The following KCND3 variants were observed in gnomAD, a reference collection of about 807,000 sequenced individuals.
The protein encoded by KCND3 is A-type voltage-gated potassium channel KCND3.
Under a neutral mutation model 51.1 loss-of-function variants are expected in KCND3, and 9 were observed. That is an observed-to-expected ratio of 0.18 (90% CI 0.11 to 0.31). The LOEUF is 0.31. Among genes scored for constraint, KCND3 ranks in the 10% least tolerant of loss-of-function variants. KCND3 has a pLI of 1.00. For missense variants in KCND3, 526 were observed against 903.8 expected (o/e 0.58, Z 5.36); for synonymous variants, 349 against 368.0 (o/e 0.95, Z 0.59).
At position 111,835,400 on chromosome 1, in the gene KCND3, G is replaced by A. The variant is rs553695577; in HGVS notation, c.1107-48294C>T. On this transcript the variant is annotated intron_variant, in intron 2 of 7. Transcript: ENST00000302127. ...CAAGTCCATCTTTAACAGGGGTTGC[G>A]TAAAATAAGGCTGAGACCTACTGGA... Among the ~76,000 whole-genome samples, 33 of 152,300 alleles carry A rather than the reference G, an allele frequency of 2.2e-4. No homozygotes were observed. The South Asian group carries it at 5.4e-3, about 25-fold the overall frequency.
intron 2 of KCND3, among the ~76,000 whole-genome samples, chr1:111,955,942 G>A (rs905312571): frequency 6.6e-6 from 1 of 152,166 alleles, no homozygotes; most frequent in African/African-American, 2.4e-5. Context: ...TAGCACTTAT[G>A]GAGTGCTTGC....
chr1:111,817,769 A>T (rs1666163990), intron 2 of KCND3, among the ~76,000 whole-genome samples: 1 of 152,220 alleles, frequency 6.6e-6, no homozygotes. Flanking sequence ...GAGTATATGG[A>T]TACAGAATTT....
At chr1:111,933,932 T>C (rs1672091587) in intron 2 of KCND3, among the ~76,000 whole-genome samples, 1 of 152,298 alleles carries the variant, frequency 6.6e-6, no homozygotes, top group Non-Finnish European at 1.5e-5. Flanking sequence ...CCAACCTAGA[T>C]ACCGTGCTAT....
At chr1:111,877,510 G>A (rs1052150359) in intron 2 of KCND3, among the ~76,000 whole-genome samples, 1 of 152,190 alleles carries the variant, frequency 6.6e-6, no homozygotes, top group South Asian at 2.1e-4. Context: ...CAGTGAGGAA[G>A]GCCCAGGAGA....
intron 2 of KCND3, among the ~76,000 whole-genome samples, chr1:111,871,247 A>AT (rs546486997): frequency 1.4e-3 from 212 of 152,314 alleles, no homozygotes; most frequent in Admixed American, 2.5e-3. Flanking sequence ...TGAAATAATG[A>AT]TTTTTTTAGA....
intron 2 of KCND3, among the ~76,000 whole-genome samples, chr1:111,903,691 T>A (rs1670500467): frequency 6.6e-6 from 1 of 152,250 alleles, no homozygotes; most frequent in Non-Finnish European, 1.5e-5. Flanking sequence ...ACTGACTGGC[T>A]GGGAGGGGGC....
chr1:111,915,014 A>G (rs1252398885), intron 2 of KCND3, among the ~76,000 whole-genome samples: 3 of 152,236 alleles, frequency 2.0e-5, no homozygotes, highest in Non-Finnish European at 4.4e-5. Flanking sequence ...AATTGAATAT[A>G]TAAGTTTTTT....
chr1:111,771,905 G>A lies in KCND3; in HGVS notation c.*4172C>T, dbSNP rs911014328. On this transcript the variant is annotated 3_prime_UTR_variant, in exon 8 of 8. Transcript: ENST00000302127. Reference sequence around the variant, plus strand: ...GGAGATGAAGGAGAAATAGTACAGAGTTTGTTTCCAGAGATCTTGGTTCAC... The same window carrying A: ...GGAGATGAAGGAGAAATAGTACAGAATTTGTTTCCAGAGATCTTGGTTCAC... 1 of 152,112 alleles carries A rather than the reference G, an allele frequency of 6.6e-6. No homozygotes were observed. Among genetic ancestry groups the A allele is most frequent in the Admixed American group, 6.5e-5 (1 of 15,284 alleles). The allele number at this position is 152,112 out of a possible 1,614,324, so 9.4% of individuals were successfully genotyped here.
chr1:111,776,033 C>T lies in KCND3; in HGVS notation c.*44G>A. ...GTGACCACCCACCAACATGCCAGTC[C>T]CCTTCATTCCCCACTACCCACTCTG... On this transcript the variant is annotated 3_prime_UTR_variant, in exon 8 of 8. Transcript: ENST00000302127. 2 of 1,603,536 alleles carry T rather than the reference C, an allele frequency of 1.2e-6. No individual in the cohort carries two copies. The highest frequency in any genetic ancestry group is 1.7e-6 in the Non-Finnish European group (2 of 1,170,490).
Position 111,772,878 on chromosome 1 carries a change from G to A in KCND3, c.*3199C>T, listed in dbSNP as rs1663975961. 1 of 152,204 alleles carries A rather than the reference G, an allele frequency of 6.6e-6. No individual in the cohort carries two copies. Among genetic ancestry groups the A allele is most frequent in the South Asian group, 2.1e-4 (1 of 4,830 alleles). The allele number at this position is 152,204 out of a possible 1,614,324, so 9.4% of individuals were successfully genotyped here. A position where few individuals can be genotyped will look rare whatever the true frequency, so the allele number is the denominator to read the frequency against. ...GAACTATGAAAGCTCAAGGGTCATGGCTATTGGCCCCCAGAAAATCCTGAT... is the reference window on the plus strand; with the variant it reads ...GAACTATGAAAGCTCAAGGGTCATGACTATTGGCCCCCAGAAAATCCTGAT... On this transcript the variant is annotated 3_prime_UTR_variant, in exon 8 of 8. Transcript: ENST00000302127.
chr1:111,902,150 G>T (rs1474014395), intron 2 of KCND3, among the ~76,000 whole-genome samples: 1 of 152,222 alleles, frequency 6.6e-6, no homozygotes, highest in Non-Finnish European at 1.5e-5. Flanking sequence ...GTGGGTCCGA[G>T]ATAGGAACGG....
Position 111,775,807 on chromosome 1 carries a change from G to A in KCND3, c.*270C>T, listed in dbSNP as rs934824424. 2.7e-5 allele frequency: 10 copies of A among 365,000 alleles called. No homozygotes were observed. The highest frequency in any genetic ancestry group is 9.7e-4 in the Middle Eastern group (1 of 1,030). 22.6% of individuals were successfully genotyped at this position (365,000 alleles called of 1,614,324 possible). A position where few individuals can be genotyped will look rare whatever the true frequency, so the allele number is the denominator to read the frequency against. ...TCCTGGCACATAGCCTATATCCCCC[G>A]GCCTATCCCCGACCCCCCCACCCTC... On this transcript the variant is annotated 3_prime_UTR_variant, in exon 8 of 8. Transcript: ENST00000302127.
chr1:111,851,607 A>G (rs1489310120), intron 2 of KCND3, among the ~76,000 whole-genome samples: 1 of 152,232 alleles, frequency 6.6e-6, no homozygotes, highest in African/African-American at 2.4e-5. Context: ...CCTGCATTAC[A>G]GTCTTTACCC....
At chr1:111,854,510 T>G (rs1332502197) in intron 2 of KCND3, among the ~76,000 whole-genome samples, 1 of 152,074 alleles carries the variant, frequency 6.6e-6, no homozygotes, top group Non-Finnish European at 1.5e-5. Flanking sequence ...AACCAAGACC[T>G]GTGGGAGGTG....
At chr1:111,867,938 C>T (rs1415449897) in intron 2 of KCND3, among the ~76,000 whole-genome samples, 1 of 152,186 alleles carries the variant, frequency 6.6e-6, no homozygotes, top group African/African-American at 2.4e-5. Flanking sequence ...GAGGAAGTCG[C>T]TCTAAGCCAC....
In KCND3 at chr1:111,966,678, C is replaced by A. The variant is rs558688814; in HGVS notation, c.1106+14943G>T. ...CTCTTGACACAGAGTCCCCTAATGA[C>A]TTCCCTGATCTGAGTTATACCTGCC... On this transcript the variant is annotated intron_variant, in intron 2 of 7. Coordinates refer to ENST00000302127, the MANE Select transcript of KCND3 (RefSeq NM_001378969.1). Among the ~76,000 whole-genome samples the A allele has an allele frequency of 5.3e-5, 8 of 152,328 alleles. No homozygotes were observed. In the South Asian group the frequency reaches 1.4e-3, roughly 28 times the overall value.
chr1:111,826,165 A>G (rs1039024458), intron 2 of KCND3, among the ~76,000 whole-genome samples: 1 of 152,138 alleles, frequency 6.6e-6, no homozygotes, highest in African/African-American at 2.4e-5. Context: ...ATTTTGCCTT[A>G]GGGGTTTCAT....
At chr1:111,902,991 TGTAA>T (rs1234130494) in intron 2 of KCND3, among the ~76,000 whole-genome samples, 3 of 152,212 alleles carry the variant, frequency 2.0e-5, no homozygotes, top group African/African-American at 4.8e-5. Context: ...AACATACATG[TGTAA>T]GTGTTTACAC....
chr1:111,904,492 G>A (rs761208680), intron 2 of KCND3, among the ~76,000 whole-genome samples: 5 of 152,052 alleles, frequency 3.3e-5, no homozygotes, highest in Admixed American at 6.5e-5. Context: ...CCTCTCTATG[G>A]GCAAAACACA....
Sources: allele counts gnomAD v4.1 joint callset (sites outside exome capture counted in the v4.1 genomes callset), GRCh38; gene constraint gnomAD v4.1.1; transcripts MANE v1.5; gene names NCBI Gene and HGNC (gene_info 2026-07-23, HGNC 2026-07-21).